The following GRIN2A variants were observed in gnomAD, a reference collection of about 807,000 sequenced individuals.
GRIN2A encodes glutamate ionotropic receptor NMDA type subunit 2A.
Under a neutral mutation model 113.4 loss-of-function variants are expected in GRIN2A, and 22 were observed. The observed-to-expected ratio is 0.19, with a 90% confidence interval of 0.14 to 0.28. GRIN2A has a LOEUF of 0.28. Among genes scored for constraint, GRIN2A ranks in the 10% least tolerant of loss-of-function variants. The pLI, the probability that GRIN2A is intolerant of heterozygous loss-of-function variation, is 1.00. For missense variants in GRIN2A, 1,502 were observed against 1,887.0 expected, an observed-to-expected ratio of 0.80 and a Z score of 3.78; for synonymous variants, 827 against 738.4, an observed-to-expected ratio of 1.12 and a Z score of -1.94.
At chr16:10,107,125 T>C (rs1156497055) in intron 2 of GRIN2A, among the ~76,000 whole-genome samples, 1 of 152,180 alleles carries the variant, frequency 6.6e-6, no homozygotes, top group Admixed American at 6.5e-5. Flanking sequence ...TTCCTGCTGA[T>C]TGAAGGAATG....
At chr16:9,909,845 TTA>T (rs2044099246) in intron 3 of GRIN2A, among the ~76,000 whole-genome samples, 1 of 152,182 alleles carries the variant, frequency 6.6e-6, no homozygotes, top group South Asian at 2.1e-4. Context: ...TGGTGGAATT[TTA>T]TGTCTCTAAA....
At chr16:9,871,871 C>G (rs1004409261) in intron 4 of GRIN2A, among the ~76,000 whole-genome samples, 2 of 152,190 alleles carry the variant, frequency 1.3e-5, no homozygotes, top group African/African-American at 2.4e-5. Context: ...CACAATTGCA[C>G]TTGCTTTGTA....
intron 2 of GRIN2A, among the ~76,000 whole-genome samples, chr16:10,168,579 T>G (rs375054413): frequency 6.6e-6 from 1 of 152,226 alleles, no homozygotes; most frequent in Non-Finnish European, 1.5e-5. Context: ...TATCCTGATA[T>G]AGCCTTCCTA....
intron 11 of GRIN2A, among the ~76,000 whole-genome samples, chr16:9,783,536 C>T (rs915256632): frequency 2.4e-4 from 36 of 152,162 alleles, no homozygotes; most frequent in Admixed American, 2.4e-3. Context: ...CATAGCCTAC[C>T]CTCATATCTC....
At chr16:10,028,409 A>T (rs2046861653) in intron 2 of GRIN2A, among the ~76,000 whole-genome samples, 1 of 152,210 alleles carries the variant, frequency 6.6e-6, no homozygotes, top group Non-Finnish European at 1.5e-5. Flanking sequence ...CTGCCCAGCC[A>T]TGGACACTTC....
At chr16:9,841,925 A>G (rs1330294019) in intron 5 of GRIN2A, among the ~76,000 whole-genome samples, 5 of 152,176 alleles carry the variant, frequency 3.3e-5, no homozygotes, top group African/African-American at 1.2e-4. Context: ...GACATATTCA[A>G]AGGACACCCA....
chr16:9,989,213 T>C (rs909511918), intron 2 of GRIN2A, among the ~76,000 whole-genome samples: 1 of 152,048 alleles, frequency 6.6e-6, no homozygotes, highest in African/African-American at 2.4e-5. Context: ...TGAAACAGAA[T>C]ACAGACCCCC....
intron 2 of GRIN2A, among the ~76,000 whole-genome samples, chr16:10,056,848 C>T (rs1394539008): frequency 6.6e-6 from 1 of 152,118 alleles, no homozygotes; most frequent in Admixed American, 6.6e-5. Flanking sequence ...GAACATCTAG[C>T]CTCTAGAACT....
In GRIN2A at chr16:9,764,685, C is replaced by G. The variant is rs749810424; in HGVS notation, c.2859G>C (p.Glu953Asp). 7 of 1,614,108 alleles carry G rather than the reference C, an allele frequency of 4.3e-6. No homozygotes were observed. Among genetic ancestry groups the G allele is most frequent in the South Asian group, 3.3e-5 (3 of 91,088 alleles). ...CGTTCATGTTGTCTCCAAAAATGCT[C>G]TCTTTCCCCTGAAAGGACCTGTTGT... The part of the protein sequence containing the change: ...YSDNRSFQGK[E>D]SIFGDNMNEL... The change falls in exon 13 of 13, where the codon GAG (glutamate) becomes GAC (aspartate). Residue 953 changes from glutamate (E) to aspartate (D), a missense_variant. Glu to Asp is a conservative substitution (Grantham distance 45, BLOSUM62 2). Transcript: ENST00000330684.
intron 2 of GRIN2A, among the ~76,000 whole-genome samples, chr16:10,140,302 C>T (rs939308166): frequency 1.3e-5 from 2 of 151,856 alleles, no homozygotes; most frequent in South Asian, 2.1e-4. Context: ...GATAAAAAGC[C>T]GCAGGATAAG....
chr16:9,937,842 A>C (rs1436571320), intron 3 of GRIN2A, 117 bp downstream of exon 3: 9 of 748,930 alleles, frequency 1.2e-5, no homozygotes, highest in Admixed American at 2.0e-5. Flanking sequence ...CCCGTAAGTA[A>C]ACACATAACA....
chr16:9,910,151 C>G (rs1218417190), intron 3 of GRIN2A, among the ~76,000 whole-genome samples: 1 of 152,064 alleles, frequency 6.6e-6, no homozygotes, highest in Non-Finnish European at 1.5e-5. Flanking sequence ...ATGAACAGTG[C>G]TTCTAGGAAC....
intron 10 of GRIN2A, among the ~76,000 whole-genome samples, chr16:9,808,173 T>C (rs1195500564): frequency 6.6e-6 from 1 of 152,238 alleles, no homozygotes; most frequent in Non-Finnish European, 1.5e-5. Context: ...TTCTTGAACA[T>C]TTACTATGTG....
In GRIN2A at chr16:10,175,269, A is replaced by G. The variant is rs143180592; in HGVS notation, c.414+4729T>C. Among the ~76,000 whole-genome samples, 119 of 152,350 alleles carry G rather than the reference A, an allele frequency of 7.8e-4. 1 individual carries two copies. The highest frequency in any genetic ancestry group is 2.8e-3 in the African/African-American group (116 of 41,580). ...AAGCAACGCATGACTATACATATGC[A>G]TGTATATTCAGAAGGAGAGAATAGA... On this transcript the variant is annotated intron_variant, in intron 2 of 12. Transcript: ENST00000330684.
chr16:9,892,933 G>GAA (rs57666918), intron 3 of GRIN2A, among the ~76,000 whole-genome samples: 344 of 96,490 alleles, frequency 3.6e-3, no homozygotes, highest in African/African-American at 6.7e-3. Flanking sequence ...GCTAAAAAGT[G>GAA]AAAAAAAAAA....
At chr16:9,965,335 A>G (rs1245770700) in intron 2 of GRIN2A, among the ~76,000 whole-genome samples, 1 of 152,208 alleles carries the variant, frequency 6.6e-6, no homozygotes, top group Non-Finnish European at 1.5e-5. Flanking sequence ...GAACTTTGTT[A>G]ACCATTTGCA....
chr16:9,804,365 G>A (rs879696502), intron 10 of GRIN2A, among the ~76,000 whole-genome samples: 1 of 152,100 alleles, frequency 6.6e-6, no homozygotes, highest in African/African-American at 2.4e-5. Context: ...TTAGAACCAA[G>A]AGCATCCAAC....
intron 7 of GRIN2A, among the ~76,000 whole-genome samples, chr16:9,840,220 T>G (rs2042649112): frequency 6.6e-6 from 1 of 152,014 alleles, no homozygotes. Context: ...CTTACAATCA[T>G]GGCAGAAGAG....
chr16:10,157,691 T>C (rs2049727219), intron 2 of GRIN2A, among the ~76,000 whole-genome samples: 2 of 152,116 alleles, frequency 1.3e-5, no homozygotes, highest in African/African-American at 4.8e-5. Context: ...GAGAACAGCA[T>C]GGGGGAAACA....
Sources: allele counts gnomAD v4.1 joint callset (sites outside exome capture counted in the v4.1 genomes callset), GRCh38; gene constraint gnomAD v4.1.1; transcripts MANE v1.5; gene names NCBI Gene and HGNC (gene_info 2026-07-23, HGNC 2026-07-21).